NLN: variants seen among roughly 807,000 people sequenced by gnomAD.
The protein encoded by NLN is neurolysin, mitochondrial.
A neutral mutation model predicts 79.9 loss-of-function variants in NLN; 64 were observed. The ratio of observed to expected loss-of-function variants is 0.80; its 90% CI spans 0.65 to 0.99. NLN has a LOEUF of 0.99. Among genes scored for constraint, NLN ranks in the 50% least tolerant of loss-of-function variants. NLN has a pLI of 0.00. For missense variants in NLN, 835 were observed against 858.7 expected, an observed-to-expected ratio of 0.97 and a Z score of 0.34; for synonymous variants, 267 against 296.6, an observed-to-expected ratio of 0.90 and a Z score of 1.02.
At chr5:65,725,917 C>T (rs1184915213) in intron 1 of NLN, among the ~76,000 whole-genome samples, 6 of 152,148 alleles carry the variant, frequency 3.9e-5, no homozygotes, top group Non-Finnish European at 7.4e-5. Flanking sequence ...TCGAGACCAT[C>T]CTGGCTAACA....
At chr5:65,787,308 G>A (rs73765111) in intron 7 of NLN, among the ~76,000 whole-genome samples, 10,447 of 151,328 alleles carry the variant, frequency 0.069, 1,139 homozygotes, top group African/African-American at 0.23. Flanking sequence ...ACACATGCAC[G>A]CACACATGCA....
At chr5:65,724,872 G>GCTCACTGCAAGCGC (rs1461131270) in intron 1 of NLN, among the ~76,000 whole-genome samples, 3 of 150,314 alleles carry the variant, frequency 2.0e-5, no homozygotes, top group Non-Finnish European at 4.4e-5. Context: ...CGCTATCTCG[G>GCTCACTGCAAGCGC]CTCACTGCAA....
intron 12 of NLN, 100 bp from the exon 13 acceptor site, chr5:65,822,681 G>A: frequency 2.4e-6 from 2 of 833,722 alleles, no homozygotes; most frequent in Admixed American, 3.6e-5. Flanking sequence ...TAAGGCTAAA[G>A]TCCTTTTTCC....
chr5:65,741,013 G>A (rs549720996), intron 1 of NLN: 3 of 153,838 alleles, frequency 2.0e-5, no homozygotes, highest in African/African-American at 7.2e-5. Context: ...AAGTAACTGG[G>A]ATTACAGGTG....
rs73099392 is a variant in NLN at position 65,754,204 on chromosome 5, C to T, written c.42-4363C>T. Among the ~76,000 whole-genome samples, 1,482 of 152,264 alleles carry T rather than the reference C, an allele frequency of 9.7e-3. 31 individuals carry two copies. The highest frequency in any genetic ancestry group is 0.034 in the African/African-American group (1,420 of 41,530). ...GCTTTACAATTAGTTGATCTATGGG[C>T]TCTATGGTGTCTTTAAATATTTGGT... On this transcript the variant is annotated intron_variant, in intron 1 of 12. Coordinates refer to ENST00000380985, the MANE Select transcript of NLN (RefSeq NM_020726.5).
At chr5:65,815,097 A>G (rs560684329) in intron 12 of NLN, among the ~76,000 whole-genome samples, 11 of 152,332 alleles carry the variant, frequency 7.2e-5, no homozygotes, top group African/African-American at 2.6e-4. Flanking sequence ...TAAAGGTACA[A>G]TTATGACGTC....
intron 6 of NLN, among the ~76,000 whole-genome samples, chr5:65,785,510 C>T (rs1759899363): frequency 6.6e-6 from 1 of 151,148 alleles, no homozygotes; most frequent in African/African-American, 2.4e-5. Flanking sequence ...TATTTTCACT[C>T]TAAGTTTGTA....
At chr5:65,782,058 A>G (rs1206683509) in intron 6 of NLN, among the ~76,000 whole-genome samples, 1 of 152,250 alleles carries the variant, frequency 6.6e-6, no homozygotes, top group Non-Finnish European at 1.5e-5. Flanking sequence ...AGACTGGGAA[A>G]CATAGCAAGC....
At chr5:65,767,108 C>A (rs988893993) in intron 3 of NLN, among the ~76,000 whole-genome samples, 2 of 152,162 alleles carry the variant, frequency 1.3e-5, no homozygotes, top group Admixed American at 6.5e-5. Context: ...GGGCAGTAGC[C>A]CCCTTCTCAC....
chr5:65,763,679 C>T (rs1016461517), intron 3 of NLN, among the ~76,000 whole-genome samples: 1 of 151,922 alleles, frequency 6.6e-6, no homozygotes, highest in Non-Finnish European at 1.5e-5. Flanking sequence ...GGAAAAAAAA[C>T]AGTTTCAAAA....
intron 9 of NLN, chr5:65,793,092 T>C (rs549703682): frequency 5.7e-5 from 16 of 280,966 alleles, no homozygotes; most frequent in South Asian, 5.3e-4. Context: ...ACATTTGCCT[T>C]TACTAACTTC....
intron 1 of NLN, among the ~76,000 whole-genome samples, chr5:65,745,390 G>A (rs1310679435): frequency 2.6e-5 from 4 of 152,068 alleles, no homozygotes; most frequent in African/African-American, 9.7e-5. Flanking sequence ...AAAGAATAAG[G>A]GCCCTCAGAT....
At chr5:65,736,378 A>G (rs970332280) in intron 1 of NLN, among the ~76,000 whole-genome samples, 3 of 152,230 alleles carry the variant, frequency 2.0e-5, no homozygotes, top group South Asian at 4.1e-4. Context: ...CAATATTGCT[A>G]TGAATATTCT....
At chr5:65,725,926 C>T (rs1036362731) in intron 1 of NLN, among the ~76,000 whole-genome samples, 1 of 152,148 alleles carries the variant, frequency 6.6e-6, no homozygotes, top group East Asian at 1.9e-4. Flanking sequence ...TCCTGGCTAA[C>T]ACGGTGAAAC....
rs558448125 is a variant in NLN, at chr5:65,823,325, T to C, written c.*410T>C. 11 of 157,814 alleles carry C rather than the reference T, an allele frequency of 7.0e-5. No homozygotes were observed. In the South Asian group the frequency reaches 2.1e-3, roughly 30 times the overall value. The allele number at this position is 157,814 out of a possible 1,614,324, so 9.8% of individuals were successfully genotyped here. On this transcript the variant is annotated 3_prime_UTR_variant, in exon 13 of 13. Transcript: ENST00000380985. ...GATTTCTGGACTGATAAATGAATCA[T>C]CACATTCTTCTGGTAAATATTTTCT...
At chr5:65,741,515 T>G (rs944413440) in intron 1 of NLN, among the ~76,000 whole-genome samples, 1 of 152,172 alleles carries the variant, frequency 6.6e-6, no homozygotes, top group Non-Finnish European at 1.5e-5. Flanking sequence ...AACAAAATAT[T>G]TATGTGTAAA....
At chr5:65,727,056 G>T (rs1239227014) in intron 1 of NLN, among the ~76,000 whole-genome samples, 1 of 152,152 alleles carries the variant, frequency 6.6e-6, no homozygotes, top group Non-Finnish European at 1.5e-5. Context: ...CAACTTCTTG[G>T]GAATAAGTGG....
intron 6 of NLN, among the ~76,000 whole-genome samples, chr5:65,782,195 A>G (rs1018476622): frequency 1.3e-5 from 2 of 152,034 alleles, no homozygotes; most frequent in Non-Finnish European, 2.9e-5. Context: ...TCCTTTATCA[A>G]TTTTACTCCA....
intron 11 of NLN, 99 bp downstream of exon 11, chr5:65,810,264 T>A: frequency 9.8e-7 from 1 of 1,021,822 alleles, no homozygotes; most frequent in Non-Finnish European, 1.5e-6. Context: ...GATTACCTAA[T>A]TGTTTCTGAT....
Sources: gnomAD v4.1 joint callset for allele counts (sites outside exome capture counted in the v4.1 genomes callset) on GRCh38, gnomAD v4.1.1 for gene constraint, MANE v1.5 for transcripts, NCBI Gene and HGNC (gene_info 2026-07-23, HGNC 2026-07-21) for gene names.